Variants in COLGALT1 observed in about 807,000 individuals in gnomAD.
COLGALT1 encodes procollagen galactosyltransferase 1.
Under a neutral mutation model 60.8 loss-of-function variants are expected in COLGALT1, and 43 were observed. The observed-to-expected ratio is 0.71, with a 90% CI of 0.55 to 0.91. The LOEUF (loss-of-function observed/expected upper bound fraction) is 0.91, where lower values mean the gene tolerates loss of function less well. COLGALT1 is among the 40% of genes least tolerant of loss of function. The pLI is 0.00. For synonymous variants in COLGALT1, 369 were observed against 374.2 expected, an observed-to-expected ratio of 0.99 and a Z score of 0.16; for missense variants, 845 against 880.0, an observed-to-expected ratio of 0.96 and a Z score of 0.50.
intron 3 of COLGALT1, among the ~76,000 whole-genome samples, chr19:17,564,707 G>A (rs890871151): frequency 3.9e-5 from 6 of 152,066 alleles, no homozygotes; most frequent in East Asian, 1.9e-4. Context: ...GTGAGCCACC[G>A]CCCCTGGCCA....
Position 17,581,168 on chromosome 19 carries a change from T to G in COLGALT1, c.1602-9T>G. The G allele has an allele frequency of 6.3e-7, 1 of 1,589,446 alleles. No individual in the cohort carries two copies. The highest frequency in any genetic ancestry group is 8.5e-7 in the Non-Finnish European group (1 of 1,170,942). On this transcript the variant is annotated splice_polypyrimidine_tract_variant and intron_variant, in intron 11 of 11. Coordinates refer to ENST00000252599, the MANE Select transcript of COLGALT1 (RefSeq NM_024656.4). ...TTGCTGCCCCTCACTCCCCTCCTCC[T>G]CCCCCCAGGTCCGAGTACAAGGCCC...
At position 17,559,375 on chromosome 19, in the gene COLGALT1, A is replaced by G; in HGVS notation, c.325A>G (p.Lys109Glu). Residue 109 changes from lysine to glutamate, a missense_variant, in exon 2 of 12, where the codon AAG (lysine) becomes GAG (glutamate). Coordinates refer to ENST00000252599, the MANE Select transcript of COLGALT1 (RefSeq NM_024656.4). ...TVLREWLVAVKSLYHSVEWRP... is the reference protein window; with the variant it reads ...TVLREWLVAVESLYHSVEWRP... ...GCTGCGGGAGTGGCTGGTGGCCGTG[A>G]AGAGTTTGTACCATTCCGTGGAGTG... 2 of 1,552,162 alleles carry G rather than the reference A, an allele frequency of 1.3e-6. No homozygotes were observed. The highest frequency in any genetic ancestry group is 1.7e-6 in the Non-Finnish European group (2 of 1,147,338).
At chr19:17,572,412 G>A in intron 5 of COLGALT1, 71 bp from the exon 6 acceptor site, 2 of 1,606,534 alleles carry the variant, frequency 1.2e-6, no homozygotes, top group East Asian at 4.5e-5. Context: ...CTGAAGCCGT[G>A]GGATGGAAGG....
rs1310132847 is a variant in COLGALT1, at chr19:17,577,352, G to C, written c.1027-9G>C. 6.2e-7 allele frequency: 1 copy of C among 1,603,086 alleles called. No homozygotes were observed. The highest frequency in any genetic ancestry group is 1.1e-5 in the South Asian group (1 of 89,824). On this transcript the variant is annotated splice_polypyrimidine_tract_variant and intron_variant, in intron 7 of 11. Coordinates refer to ENST00000252599, the MANE Select transcript of COLGALT1 (RefSeq NM_024656.4). ...GGGCTGATCTGGCTGGGGACTCTCC[G>C]GGCTGCAGGTCTTCATGATCAACCT... is the stretch of plus-strand genomic sequence containing the variant.
At chr19:17,556,074 C>T (rs1026367282) in intron 1 of COLGALT1, 101 bp downstream of exon 1, 19 of 1,195,586 alleles carry the variant, frequency 1.6e-5, no homozygotes, top group Middle Eastern at 3.2e-4. Flanking sequence ...CTGTCCTCTT[C>T]TGGGCGGGTC....
At chr19:17,579,901 G>A (rs572233441) in intron 10 of COLGALT1, 19 of 404,160 alleles carry the variant, frequency 4.7e-5, no homozygotes, top group African/African-American at 2.6e-4. Context: ...CCTTGGAAGC[G>A]TAGCAGGAGG....
At chr19:17,568,756 G>T in intron 5 of COLGALT1, 43 bp downstream of exon 5, 1 of 1,602,802 alleles carries the variant, frequency 6.2e-7, no homozygotes, top group Non-Finnish European at 8.5e-7. Flanking sequence ...CATCTGCCTG[G>T]TTCTTTGGGT....
Position 17,582,184 on chromosome 19 carries a change from C to A in COLGALT1, c.*740C>A, listed in dbSNP as rs1230089708. On this transcript the variant is annotated 3_prime_UTR_variant, in exon 12 of 12. Transcript: ENST00000252599. ...TTGGCCACCCAAAGTGCTAGGGTTA[C>A]AGGCATGAGCCACTGTGCCCAGCCC... is the stretch of plus-strand genomic sequence containing the variant. 6.6e-6 allele frequency: 1 copy of A among 152,072 alleles called. No individual in the cohort carries two copies. Among genetic ancestry groups the A allele is most frequent in the African/African-American group, 2.4e-5 (1 of 41,326 alleles). The allele number at this position is 152,072 out of a possible 1,614,324, so 9.4% of individuals were successfully genotyped here.
intron 10 of COLGALT1, chr19:17,580,364 A>C: frequency 5.0e-6 from 2 of 399,950 alleles, no homozygotes; most frequent in South Asian, 2.7e-5. Context: ...TCCATTCCTG[A>C]CTGCCCCCCC....
chr19:17,579,494 G>C lies in COLGALT1; in HGVS notation c.1279G>C (p.Gly427Arg). 1 of 1,614,142 alleles carries C rather than the reference G, an allele frequency of 6.2e-7. No individual in the cohort carries two copies. Among genetic ancestry groups the C allele is most frequent in the Non-Finnish European group, 8.5e-7 (1 of 1,180,012 alleles). Residue 427 changes from glycine to arginine, a missense_variant, in exon 10 of 12, where the codon GGG becomes CGG. Physicochemically the swap from Gly to Arg is moderately radical, Grantham distance 125. Coordinates refer to ENST00000252599, the MANE Select transcript of COLGALT1 (RefSeq NM_024656.4). Reference protein sequence around the residue: ...YNIWKEVVDRGLQKSLVFEDD... With the variant: ...YNIWKEVVDRRLQKSLVFEDD... ...CTTCCTCCCTCAGGTGGTGGACCGG[G>C]GGCTGCAGAAATCGCTTGTGTTTGA...
chr19:17,567,919 A>C (rs2076289233), intron 4 of COLGALT1, among the ~76,000 whole-genome samples: 1 of 152,182 alleles, frequency 6.6e-6, no homozygotes, highest in Non-Finnish European at 1.5e-5. Flanking sequence ...ACTGCACTCC[A>C]GCCTGGGTGA....
chr19:17,581,317 A>G lies in COLGALT1; in HGVS notation c.1742A>G (p.His581Arg). The G allele has an allele frequency of 6.2e-7, 1 of 1,613,424 alleles. No homozygotes were observed. The highest frequency in any genetic ancestry group is 8.5e-7 in the Non-Finnish European group (1 of 1,179,992). The change falls in exon 12 of 12, where the codon CAC becomes CGC. Residue 581 changes from histidine to arginine, a missense_variant. His to Arg is a conservative substitution (Grantham distance 29, BLOSUM62 0). Coordinates refer to ENST00000252599, the MANE Select transcript of COLGALT1 (RefSeq NM_024656.4). ...ACCTCAGTCGTATGGAACAATGAGCACGTCAAGACCGACTGGGACCGCGCC... is the reference window on the plus strand; with the variant it reads ...ACCTCAGTCGTATGGAACAATGAGCGCGTCAAGACCGACTGGGACCGCGCC... Reference protein sequence around the residue: ...TETSVVWNNEHVKTDWDRAKS... With the variant: ...TETSVVWNNERVKTDWDRAKS...
intron 1 of COLGALT1, 25 bp from the exon 2 acceptor site, chr19:17,559,286 C>T (rs961333504): frequency 5.2e-6 from 8 of 1,528,622 alleles, no homozygotes; most frequent in African/African-American, 2.8e-5. Context: ...TCCCCAAGTA[C>T]GCTGCCTGTC....
At chr19:17,568,102 TCA>T (rs2076290109) in intron 4 of COLGALT1, among the ~76,000 whole-genome samples, 2 of 152,130 alleles carry the variant, frequency 1.3e-5, no homozygotes, top group Non-Finnish European at 2.9e-5. Flanking sequence ...TTGCCTAAAG[TCA>T]CACAGCTAGC....
chr19:17,572,607 GTC>G lies in COLGALT1; in HGVS notation c.949+7_949+8del, dbSNP rs1301503299. The G allele has an allele frequency of 6.2e-7, 1 of 1,613,672 alleles. No homozygotes were observed. The highest frequency in any genetic ancestry group is 1.3e-5 in the African/African-American group (1 of 74,940). On this transcript the variant is annotated splice_donor_region_variant and intron_variant, in intron 6 of 11. Transcript: ENST00000252599. ...ATGTGCAGCTGGAGGTCATGGGTGA[GTC>G]TGCCTGCACACCGCCCTGGGAGGTG...
rs904710750 is a variant in COLGALT1 at position 17,582,220 on chromosome 19, A to AATATTGAG, written c.*780_*787dup. On this transcript the variant is annotated 3_prime_UTR_variant, in exon 12 of 12. Transcript: ENST00000252599. ...CACTGTGCCCAGCCCAGGCTCTGGG[A>AATATTGAG]ATATTGAGATAAATAAGATGCTTCT... 1.1e-4 allele frequency: 16 copies of AATATTGAG among 152,108 alleles called. No homozygotes were observed. Among genetic ancestry groups the AATATTGAG allele is most frequent in the Non-Finnish European group, 2.2e-4 (15 of 68,010 alleles). The allele number at this position is 152,108 out of a possible 1,614,324, so 9.4% of individuals were successfully genotyped here.
intron 6 of COLGALT1, 200 bp from the exon 7 acceptor site, chr19:17,576,995 G>A: frequency 5.0e-6 from 3 of 599,754 alleles, no homozygotes; most frequent in Non-Finnish European, 8.9e-6. Context: ...CTGGGGTGTG[G>A]CCAGGGCTTT....
At chr19:17,556,697 G>A in intron 1 of COLGALT1, 1 of 193,892 alleles carries the variant, frequency 5.2e-6, no homozygotes, top group Non-Finnish European at 9.4e-6. Flanking sequence ...GGTCACTTGA[G>A]CTCAGGAGTT....
chr19:17,566,230 G>A (rs530151379), intron 3 of COLGALT1: 9 of 152,122 alleles, frequency 5.9e-5, no homozygotes. Context: ...GCCTGACGTG[G>A]TGGCATGTGT....
Sources: allele counts gnomAD v4.1 joint callset (sites outside exome capture counted in the v4.1 genomes callset), GRCh38; gene constraint gnomAD v4.1.1; transcripts MANE v1.5; gene names NCBI Gene and HGNC (gene_info 2026-07-23, HGNC 2026-07-21).